Variants in MYLK observed in about 807,000 individuals in gnomAD.
The protein encoded by MYLK is myosin light chain kinase.
MYLK carries 106 observed loss-of-function variants against 203.4 expected under a neutral mutation model. The observed-to-expected ratio is 0.52, with a 90% CI of 0.45 to 0.61. The LOEUF (loss-of-function observed/expected upper bound fraction) is 0.61. Ranked by LOEUF, MYLK falls within the 20% of genes least tolerant of loss-of-function variation. The pLI, the probability that MYLK is intolerant of heterozygous loss-of-function variation, is 0.00. For synonymous variants in MYLK, 867 were observed against 959.5 expected (o/e 0.90, Z 1.78); for missense variants, 2,072 against 2,442.3 (o/e 0.85, Z 3.20).
chr3:123,733,946 T>G lies in MYLK; in HGVS notation c.1050A>C (p.Ala350=). 3.1e-6 allele frequency: 5 copies of G among 1,614,186 alleles called. No homozygotes were observed. Among genetic ancestry groups the G allele is most frequent in the Non-Finnish European group, 4.2e-6 (5 of 1,180,034 alleles). Residue 350 remains alanine, a synonymous_variant, in exon 10 of 34, where the codon GCA becomes GCC. Coordinates refer to ENST00000360304, the MANE Select transcript of MYLK (RefSeq NM_053025.4). The part of the protein sequence containing the change: ...KTSSSITLQA[A]RVQPEPRAPG... ...GTGCTCTTGGTTCCGGCTGAACTCT[T>G]GCGGCCTGCAGGGTGATGGAGCTGG...
chr3:123,798,104 G>A (rs775954720), intron 3 of MYLK, among the ~76,000 whole-genome samples: 10 of 152,192 alleles, frequency 6.6e-5, no homozygotes, highest in Admixed American at 3.3e-4. Context: ...CAAGGTGTAC[G>A]TGCTGACATC....
chr3:123,669,354 C>T (rs959478768), intron 20 of MYLK, among the ~76,000 whole-genome samples: 4 of 152,084 alleles, frequency 2.6e-5, no homozygotes, highest in Admixed American at 2.6e-4. Flanking sequence ...AGGAGGAAAC[C>T]AAACAATGTA....
intron 20 of MYLK, among the ~76,000 whole-genome samples, chr3:123,677,262 A>T (rs2060100632): frequency 6.6e-6 from 1 of 152,368 alleles, no homozygotes. Flanking sequence ...CAGAGTTGGG[A>T]AAGGCCTGAG....
intron 2 of MYLK, among the ~76,000 whole-genome samples, chr3:123,864,044 C>A (rs1242430354): frequency 6.6e-6 from 1 of 152,100 alleles, no homozygotes; most frequent in Non-Finnish European, 1.5e-5. Flanking sequence ...ATACACAAAA[C>A]AACATGGATA....
intron 2 of MYLK, among the ~76,000 whole-genome samples, chr3:123,851,390 TC>T (rs2030781333): frequency 6.6e-6 from 1 of 152,186 alleles, no homozygotes; most frequent in Non-Finnish European, 1.5e-5. Flanking sequence ...GGAAGGTCCT[TC>T]CATTTGTTTG....
intron 26 of MYLK, among the ~76,000 whole-genome samples, chr3:123,647,832 G>A (rs820475): frequency 0.32 from 48,710 of 151,828 alleles, 14,037 homozygotes; most frequent in African/African-American, 0.74. Flanking sequence ...GATTACAAGC[G>A]TGAGCCACCA....
At chr3:123,825,023 T>C (rs780645653) in intron 3 of MYLK, among the ~76,000 whole-genome samples, 25 of 151,862 alleles carry the variant, frequency 1.6e-4, no homozygotes, top group Non-Finnish European at 2.6e-4. Flanking sequence ...TGTGTGCCTA[T>C]AGTCCCAGCT....
intron 28 of MYLK, among the ~76,000 whole-genome samples, chr3:123,639,382 C>T (rs144654952): frequency 6.6e-5 from 10 of 152,328 alleles, no homozygotes; most frequent in South Asian, 4.1e-4. Flanking sequence ...CACTGAACAT[C>T]GTGGGAGACA....
chr3:123,636,673 C>T (rs2058655735), intron 29 of MYLK, among the ~76,000 whole-genome samples: 1 of 152,220 alleles, frequency 6.6e-6, no homozygotes, highest in Admixed American at 6.5e-5. Flanking sequence ...TCTAGGGAGC[C>T]AGGGAGTCAA....
Position 123,802,465 on chromosome 3 carries a change from C to A in MYLK, c.-3-8621G>T, listed in dbSNP as rs554006563. On this transcript the variant is annotated intron_variant, in intron 3 of 33. Coordinates refer to ENST00000360304, the MANE Select transcript of MYLK (RefSeq NM_053025.4). ...AGACAAGCTGCCCACATCAGCTGGG[C>A]CACATCAGCAGAGCAGCAGACCACG... Among the ~76,000 whole-genome samples the A allele has an allele frequency of 1.1e-4, 17 of 152,392 alleles. No individual in the cohort carries two copies. The South Asian group carries it at 2.1e-3, about 19-fold the overall frequency.
chr3:123,741,043 T>A (rs2062840064), intron 5 of MYLK, among the ~76,000 whole-genome samples: 1 of 152,206 alleles, frequency 6.6e-6, no homozygotes, highest in Non-Finnish European at 1.5e-5. Context: ...ACCCTGAAAG[T>A]TGTTCTTCTT....
At chr3:123,718,914 G>A (rs536319589) in intron 13 of MYLK, among the ~76,000 whole-genome samples, 19 of 152,258 alleles carry the variant, frequency 1.2e-4, no homozygotes, top group South Asian at 6.2e-4. Flanking sequence ...ATATAGGCGC[G>A]CAGTAAAGAC....
intron 19 of MYLK, 58 bp downstream of exon 19, chr3:123,692,677 G>A: frequency 7.6e-7 from 1 of 1,317,602 alleles, no homozygotes. Flanking sequence ...AAGGAAGGGA[G>A]GGGCTGAGAA....
intron 4 of MYLK, among the ~76,000 whole-genome samples, chr3:123,788,146 T>C (rs1225920366): frequency 6.6e-6 from 1 of 152,064 alleles, no homozygotes; most frequent in Non-Finnish European, 1.5e-5. Flanking sequence ...AAGGATGAAC[T>C]GGAAGGGCAG....
chr3:123,836,676 C>T (rs2066481411), intron 2 of MYLK, among the ~76,000 whole-genome samples: 1 of 152,176 alleles, frequency 6.6e-6, no homozygotes, highest in Non-Finnish European at 1.5e-5. Flanking sequence ...GAACTCTCCA[C>T]AGGCCTACTT....
chr3:123,664,431 A>G (rs1203550372), intron 22 of MYLK, among the ~76,000 whole-genome samples, 173 bp from the exon 23 acceptor site: 1 of 150,658 alleles, frequency 6.6e-6, no homozygotes, highest in Non-Finnish European at 1.5e-5. Flanking sequence ...TCCTACATCC[A>G]GAGTCCAGCT....
chr3:123,747,257 AGG>A (rs2063047210), intron 5 of MYLK, among the ~76,000 whole-genome samples: 1 of 152,106 alleles, frequency 6.6e-6, no homozygotes, highest in South Asian at 2.1e-4. Flanking sequence ...ATCTTGTGAC[AGG>A]GGGTCATTCT....
At position 123,648,453 on chromosome 3, in the gene MYLK, C is replaced by A. The variant is rs947655178; in HGVS notation, c.4415+518G>T. 1.3e-5 allele frequency among the ~76,000 whole-genome samples: 2 copies of A among 152,238 alleles called. No homozygotes were observed. The highest frequency in any genetic ancestry group is 2.9e-5 in the Non-Finnish European group (2 of 68,050). ...CAAAGATAATCTGATCCAGTCCTCTCATTTTATTTTATTTTAAAAATTATT... is the reference window on the plus strand; with the variant it reads ...CAAAGATAATCTGATCCAGTCCTCTAATTTTATTTTATTTTAAAAATTATT... On this transcript the variant is annotated intron_variant, in intron 26 of 33. Transcript: ENST00000360304. This position sits in a 1 kb window ranked among gnomAD's most constrained non-coding sequence, Gnocchi z 4.5.
chr3:123,672,310 A>C (rs922139195), intron 20 of MYLK, among the ~76,000 whole-genome samples: 3 of 152,022 alleles, frequency 2.0e-5, no homozygotes, highest in Non-Finnish European at 4.4e-5. Context: ...ACACACAGAG[A>C]AAAGAACATG....
Sources: gnomAD v4.1 joint callset for allele counts (sites outside exome capture counted in the v4.1 genomes callset) on GRCh38, gnomAD v4.1.1 for gene constraint, Gnocchi (gnomAD v3.1) non-coding constraint, MANE v1.5 for transcripts, NCBI Gene and HGNC (gene_info 2026-07-23, HGNC 2026-07-21) for gene names.